Variants in ARHGEF7 observed in about 807,000 individuals in gnomAD.
ARHGEF7 encodes the protein Rho guanine nucleotide exchange factor 7.
A neutral mutation model predicts 109.8 loss-of-function variants in ARHGEF7; 33 were observed. That is an observed-to-expected ratio of 0.30 (90% CI 0.23 to 0.40). The LOEUF is 0.40. ARHGEF7 is among the 10% of genes least tolerant of loss of function. The pLI is 1.00. For missense variants in ARHGEF7, 938 were observed against 1,098.5 expected (o/e 0.85, Z 2.07); for synonymous variants, 458 against 424.6 (o/e 1.08, Z -0.97).
chr13:111,199,688 T>G (rs894206062), intron 2 of ARHGEF7, among the ~76,000 whole-genome samples: 1 of 152,198 alleles, frequency 6.6e-6, no homozygotes, highest in African/African-American at 2.4e-5. Context: ...TAGAATTCCT[T>G]TGGAGGCATG....
At position 111,237,381 on chromosome 13, in the gene ARHGEF7, C is replaced by T. The variant is rs139098943; in HGVS notation, c.759+4088C>T. Among the ~76,000 whole-genome samples the T allele has an allele frequency of 2.3e-4, 35 of 152,268 alleles. No homozygotes were observed. The East Asian group carries it at 3.9e-3, about 17-fold the overall frequency. On this transcript the variant is annotated intron_variant, in intron 6 of 21. Coordinates refer to ENST00000646102, the MANE Select transcript of ARHGEF7 (RefSeq NM_001354046.2). ...TTTTAATAGGCATATTTTCTGTAATCAGTGAGCAGAGATTTAAAGAGAGAA... is the reference window on the plus strand; with the variant it reads ...TTTTAATAGGCATATTTTCTGTAATTAGTGAGCAGAGATTTAAAGAGAGAA...
At chr13:111,268,941 G>A (rs942086183) in intron 9 of ARHGEF7, among the ~76,000 whole-genome samples, 2 of 152,130 alleles carry the variant, frequency 1.3e-5, no homozygotes, top group Non-Finnish European at 2.9e-5. Context: ...AAGATTTTTT[G>A]AACTTCCTAT....
chr13:111,128,639 T>C (rs1278458571), intron 1 of ARHGEF7, among the ~76,000 whole-genome samples: 4 of 152,110 alleles, frequency 2.6e-5, no homozygotes, highest in African/African-American at 9.7e-5. Flanking sequence ...CCATTTACAA[T>C]AGCAAAGAAA....
At chr13:111,291,762 C>T (rs944152602) in intron 18 of ARHGEF7, among the ~76,000 whole-genome samples, 2 of 152,120 alleles carry the variant, frequency 1.3e-5, no homozygotes, top group Admixed American at 6.5e-5. Context: ...GATTAATTGC[C>T]ACATGTCTAT....
intron 2 of ARHGEF7, among the ~76,000 whole-genome samples, chr13:111,163,047 C>G (rs994962364): frequency 6.6e-6 from 1 of 152,270 alleles, no homozygotes; most frequent in South Asian, 2.1e-4. Flanking sequence ...TAGCTGGGCA[C>G]CCTTCTATAC....
rs554810479 is a variant in ARHGEF7 at position 111,203,413 on chromosome 13, C to A, written c.253-1876C>A. ...ATTTCTTCTTAAATAATAAATATTA[C>A]AACAAATGTATTCTGTATGAAAGAT... On this transcript the variant is annotated intron_variant, in intron 2 of 21. Transcript: ENST00000646102. Among the ~76,000 whole-genome samples, 22 of 152,314 alleles carry A rather than the reference C, an allele frequency of 1.4e-4. No homozygotes were observed. The East Asian group carries it at 4.2e-3, about 29-fold the overall frequency.
intron 17 of ARHGEF7, among the ~76,000 whole-genome samples, chr13:111,287,069 G>T (rs2093050770): frequency 6.6e-6 from 1 of 152,214 alleles, no homozygotes; most frequent in Non-Finnish European, 1.5e-5. Context: ...CCATGCCACT[G>T]CTGGCCTCCC....
Position 111,131,147 on chromosome 13 carries a change from T to C in ARHGEF7, c.165+15456T>C, listed in dbSNP as rs2074724784. ...GATGAAATGAGCCCAGGATGGAGGA[T>C]GTGAAGATGGTTATGAAACTCCCAC... On this transcript the variant is annotated intron_variant, in intron 1 of 21. Coordinates refer to ENST00000646102, the MANE Select transcript of ARHGEF7 (RefSeq NM_001354046.2). The surrounding 1 kb of genome is among the most constrained non-coding windows in gnomAD (Gnocchi z 4.4). 1.3e-5 allele frequency among the ~76,000 whole-genome samples: 2 copies of C among 152,074 alleles called. No homozygotes were observed. The highest frequency in any genetic ancestry group is 4.8e-5 in the African/African-American group (2 of 41,412).
intron 16 of ARHGEF7, among the ~76,000 whole-genome samples, chr13:111,284,138 G>A (rs1480129869): frequency 6.6e-6 from 1 of 152,112 alleles, no homozygotes; most frequent in Non-Finnish European, 1.5e-5. Context: ...GGCGGTGAGA[G>A]TGTGGGTATC....
At chr13:111,138,334 A>G (rs575763963) in intron 1 of ARHGEF7, among the ~76,000 whole-genome samples, 1 of 152,034 alleles carries the variant, frequency 6.6e-6, no homozygotes, top group South Asian at 2.1e-4. Context: ...AAAAAAAATT[A>G]GCCGGGTGTG....
Position 111,137,802 on chromosome 13 carries a change from T to C in ARHGEF7, c.166-16103T>C, listed in dbSNP as rs565990049. Among the ~76,000 whole-genome samples, 26 of 152,298 alleles carry C rather than the reference T, an allele frequency of 1.7e-4. No homozygotes were observed. The South Asian group carries it at 3.7e-3, about 22-fold the overall frequency. On this transcript the variant is annotated intron_variant, in intron 1 of 21. Transcript: ENST00000646102. ...GAAATATGTTACTTAAATTGAGGCATGTATGGAGACATCAGTGAAATATTC... is the reference window on the plus strand; with the variant it reads ...GAAATATGTTACTTAAATTGAGGCACGTATGGAGACATCAGTGAAATATTC...
rs1397474349 is a variant in ARHGEF7 at position 111,272,735 on chromosome 13, C to G, written c.1074-1079C>G. Among the ~76,000 whole-genome samples the G allele has an allele frequency of 6.6e-6, 1 of 152,172 alleles. No individual in the cohort carries two copies. The highest frequency in any genetic ancestry group is 1.5e-5 in the Non-Finnish European group (1 of 68,018). ...GCTGCCAGCGCTGGTGCTGCCTCCC[C>G]TCCTTTCTGTGGGCTGTACACTGTC... On this transcript the variant is annotated intron_variant, in intron 9 of 21. Coordinates refer to ENST00000646102, the MANE Select transcript of ARHGEF7 (RefSeq NM_001354046.2). The surrounding 1 kb of genome is among the most constrained non-coding windows in gnomAD (Gnocchi z 5.2).
chr13:111,187,565 A>T (rs72670040), intron 2 of ARHGEF7, among the ~76,000 whole-genome samples: 3,627 of 152,282 alleles, frequency 0.024, 74 homozygotes, highest in Middle Eastern at 0.11. Flanking sequence ...CTGACACAGG[A>T]TCTTTATTAT....
intron 2 of ARHGEF7, among the ~76,000 whole-genome samples, chr13:111,175,567 G>A (rs2078065267): frequency 6.6e-6 from 1 of 152,198 alleles, no homozygotes; most frequent in Non-Finnish European, 1.5e-5. Context: ...TGAGCTTTTG[G>A]GGGAAGGACT....
chr13:111,275,490 G>T (rs770530979), intron 11 of ARHGEF7, 42 bp from the exon 12 acceptor site: 1 of 1,606,224 alleles, frequency 6.2e-7, no homozygotes, highest in South Asian at 1.1e-5. Flanking sequence ...TTAACATTCT[G>T]AAAGTTTATG....
intron 17 of ARHGEF7, among the ~76,000 whole-genome samples, chr13:111,286,911 T>G (rs1350542904): frequency 6.6e-5 from 10 of 152,288 alleles, no homozygotes; most frequent in South Asian, 2.1e-4. Context: ...GAGAGCCAGC[T>G]CTGGGAAAGT....
intron 5 of ARHGEF7, among the ~76,000 whole-genome samples, chr13:111,219,016 A>G (rs1594831574): frequency 1.3e-5 from 2 of 152,310 alleles, no homozygotes; most frequent in Non-Finnish European, 2.9e-5. Flanking sequence ...TTGTATGTAT[A>G]TGTATACATA....
At chr13:111,277,442 C>T in intron 12 of ARHGEF7, 145 bp from the exon 13 acceptor site, 1 of 575,844 alleles carries the variant, frequency 1.7e-6, no homozygotes, top group South Asian at 2.3e-5. Context: ...TTTAATTTAC[C>T]TGATAAAACT....
At chr13:111,285,820 G>T (rs1032196721) in intron 16 of ARHGEF7, among the ~76,000 whole-genome samples, 19 of 151,976 alleles carry the variant, frequency 1.3e-4, no homozygotes, top group Admixed American at 9.8e-4. Flanking sequence ...CCTCAGGAGC[G>T]TGCAGGATGT....
Sources: gnomAD v4.1 joint callset for allele counts (sites outside exome capture counted in the v4.1 genomes callset) on GRCh38, gnomAD v4.1.1 for gene constraint, Gnocchi (gnomAD v3.1) non-coding constraint, MANE v1.5 for transcripts, NCBI Gene and HGNC (gene_info 2026-07-23, HGNC 2026-07-21) for gene names.